The following MITF variants were observed in gnomAD, a reference collection of about 807,000 sequenced individuals.
MITF encodes the protein melanocyte inducing transcription factor.
MITF carries 17 observed loss-of-function variants against 60.5 expected under a neutral mutation model. That is an observed-to-expected ratio of 0.28 (90% CI 0.19 to 0.42). MITF has a LOEUF of 0.42. Among genes scored for constraint, MITF ranks in the 10% least tolerant of loss-of-function variants. The pLI is 1.00. For missense variants in MITF, 622 were observed against 683.5 expected, an observed-to-expected ratio of 0.91 and a Z score of 1.00; for synonymous variants, 260 against 248.5, an observed-to-expected ratio of 1.05 and a Z score of -0.43.
At chr3:69,755,433 G>GTTTTTGTTTTT (rs1704103030) in intron 1 of MITF, among the ~76,000 whole-genome samples, 1 of 35,396 alleles carries the variant, frequency 2.8e-5, no homozygotes, top group African/African-American at 1.4e-4. Flanking sequence ...ACCCTTCTGG[G>GTTTTTGTTTTT]TTTTTTTTTT....
At chr3:69,876,131 A>G (rs540423447) in intron 1 of MITF, among the ~76,000 whole-genome samples, 6 of 152,258 alleles carry the variant, frequency 3.9e-5, no homozygotes, top group African/African-American at 1.4e-4. Flanking sequence ...ACTTTCACGT[A>G]TGAAGACTTA....
At chr3:69,808,535 A>C (rs76975309) in intron 1 of MITF, among the ~76,000 whole-genome samples, 1 of 152,256 alleles carries the variant, frequency 6.6e-6, no homozygotes, top group East Asian at 1.9e-4. Flanking sequence ...TGATCTGGTC[A>C]TGGGTTAGGG....
At chr3:69,774,579 G>A (rs2062445266) in intron 1 of MITF, among the ~76,000 whole-genome samples, 1 of 152,146 alleles carries the variant, frequency 6.6e-6, no homozygotes, top group Non-Finnish European at 1.5e-5. Flanking sequence ...TGTATTCCTT[G>A]TGTTCTGTTA....
chr3:69,739,934 G>C (rs1307393868), intron 1 of MITF, among the ~76,000 whole-genome samples: 3 of 152,234 alleles, frequency 2.0e-5, no homozygotes, highest in African/African-American at 7.2e-5. Flanking sequence ...GGGTCGCCGG[G>C]GACGAAGCGT....
intron 1 of MITF, among the ~76,000 whole-genome samples, chr3:69,787,205 G>A (rs952266526): frequency 1.3e-5 from 2 of 152,126 alleles, no homozygotes; most frequent in Non-Finnish European, 2.9e-5. Context: ...ATGGGTTTTA[G>A]GCTGGTTAGT....
chr3:69,786,157 G>A (rs751402501), intron 1 of MITF, among the ~76,000 whole-genome samples: 2 of 152,194 alleles, frequency 1.3e-5, no homozygotes, highest in East Asian at 3.9e-4. Flanking sequence ...TGCCAAAGGA[G>A]GTTTGACTCC....
At chr3:69,805,603 T>C (rs2106968337) in intron 1 of MITF, among the ~76,000 whole-genome samples, 1 of 152,114 alleles carries the variant, frequency 6.6e-6, no homozygotes, top group East Asian at 1.9e-4. Flanking sequence ...CTCTAATATT[T>C]AATATGTGCA....
chr3:69,755,335 G>C (rs1339920432), intron 1 of MITF, among the ~76,000 whole-genome samples: 2 of 149,238 alleles, frequency 1.3e-5, no homozygotes, highest in African/African-American at 5.0e-5. Flanking sequence ...TTTCCCACTT[G>C]ACTTGGCAGC....
intron 1 of MITF, among the ~76,000 whole-genome samples, chr3:69,842,201 G>A (rs942070927): frequency 6.6e-6 from 1 of 152,038 alleles, no homozygotes; most frequent in South Asian, 2.1e-4. Context: ...CAACATATGT[G>A]TTTCTAAAAA....
intron 1 of MITF, among the ~76,000 whole-genome samples, chr3:69,857,512 C>T (rs375837301): frequency 9.3e-5 from 14 of 151,266 alleles, no homozygotes; most frequent in Non-Finnish European, 1.6e-4. Context: ...AAGGCAGAGA[C>T]GTGATCTCAT....
At chr3:69,962,515 A>G (rs75614211) in intron 9 of MITF, among the ~76,000 whole-genome samples, 1,599 of 152,304 alleles carry the variant, frequency 0.01, 21 homozygotes, top group African/African-American at 0.037. Context: ...TTGCAGGCAC[A>G]TATGTTTCTC....
chr3:69,907,891 G>C (rs1297241298), intron 2 of MITF, among the ~76,000 whole-genome samples: 4 of 152,202 alleles, frequency 2.6e-5, no homozygotes, highest in Admixed American at 2.6e-4. Context: ...GTTTCTTAAA[G>C]TTGACTCAGA....
At chr3:69,864,882 G>T (rs2064083424) in intron 1 of MITF, among the ~76,000 whole-genome samples, 1 of 152,092 alleles carries the variant, frequency 6.6e-6, no homozygotes, top group Non-Finnish European at 1.5e-5. Context: ...CCCCAACTCA[G>T]ATCTCAGACC....
At chr3:69,772,190 C>T (rs1161033474) in intron 1 of MITF, among the ~76,000 whole-genome samples, 3 of 152,086 alleles carry the variant, frequency 2.0e-5, no homozygotes, top group Non-Finnish European at 4.4e-5. Flanking sequence ...AATTTTTTTT[C>T]CTTGATGGCC....
At chr3:69,838,122 AAGAT>A (rs1291740909) in intron 1 of MITF, among the ~76,000 whole-genome samples, 2 of 152,216 alleles carry the variant, frequency 1.3e-5, no homozygotes, top group African/African-American at 4.8e-5. Context: ...TAAATGAAAG[AAGAT>A]AGAGTAGAAT....
intron 1 of MITF, among the ~76,000 whole-genome samples, chr3:69,795,981 A>ATTTTTG (rs2062820911): frequency 6.6e-6 from 1 of 152,002 alleles, no homozygotes; most frequent in South Asian, 2.1e-4. Context: ...TTTTGTTGCT[A>ATTTTTG]TTTTTGTTTT....
chr3:69,934,135 A>T (rs1172450696), intron 2 of MITF, among the ~76,000 whole-genome samples: 3 of 152,152 alleles, frequency 2.0e-5, no homozygotes, highest in Admixed American at 2.0e-4. Flanking sequence ...CACATTCTAG[A>T]TCAGGGGTTC....
chr3:69,921,351 A>G (rs2065463987), intron 2 of MITF, among the ~76,000 whole-genome samples: 1 of 152,366 alleles, frequency 6.6e-6, no homozygotes, highest in South Asian at 2.1e-4. Flanking sequence ...TCAGATATCA[A>G]TAATGCACTC....
chr3:69,770,945 G>A (rs758972334), intron 1 of MITF, among the ~76,000 whole-genome samples: 1 of 152,192 alleles, frequency 6.6e-6, no homozygotes, highest in African/African-American at 2.4e-5. Flanking sequence ...GCATTAACAA[G>A]TATCCGAAGG....
Sources: allele counts gnomAD v4.1 joint callset (sites outside exome capture counted in the v4.1 genomes callset), GRCh38; gene constraint gnomAD v4.1.1; transcripts MANE v1.5; gene names NCBI Gene and HGNC (gene_info 2026-07-23, HGNC 2026-07-21).